LILRB4: variants seen among roughly 807,000 people sequenced by gnomAD.
LILRB4 encodes leukocyte immunoglobulin-like receptor subfamily B member 4.
LILRB4 carries 49 observed loss-of-function variants against 55.2 expected under a neutral mutation model. The observed-to-expected ratio is 0.89, with a 90% confidence interval of 0.71 to 1.13. LILRB4 has a LOEUF of 1.13. Ranked by LOEUF, LILRB4 falls within the 50% of genes most tolerant of loss-of-function variation. LILRB4 has a pLI of 0.00. For missense variants in LILRB4, 590 were observed against 555.2 expected (o/e 1.06, Z -0.63); for synonymous variants, 229 against 213.8 (o/e 1.07, Z -0.62).
At chr19:54,663,184 C>CAT (rs2065081787) in intron 1 of LILRB4, 117 bp downstream of exon 1, 80 of 1,184,280 alleles carry the variant, frequency 6.8e-5, no homozygotes, top group Non-Finnish European at 9.2e-5. Context: ...CGGTGGCTCA[C>CAT]GCCTGTAATC....
chr19:54,667,403 C>T (rs2065332197), intron 10 of LILRB4: 6 of 838,844 alleles, frequency 7.2e-6, no homozygotes, highest in East Asian at 2.7e-5. Flanking sequence ...GAGGCAGCAG[C>T]GAGCTCTTGC....
At chr19:54,663,771 A>G (rs754775742) in exon 3 of LILRB4, 1 of 1,613,832 alleles carries the variant, frequency 6.2e-7, no homozygotes, top group Non-Finnish European at 8.5e-7. Flanking sequence ...CCCCAAACCC[A>G]CCCTCTGGGC....
At position 54,666,610 on chromosome 19, in the gene LILRB4, A is replaced by G; in HGVS notation, c.989-87A>G. 5.4e-6 allele frequency: 8 copies of G among 1,482,942 alleles called. No individual in the cohort carries two copies. The highest frequency in any genetic ancestry group is 6.5e-6 in the Non-Finnish European group (7 of 1,071,420). 91.9% of individuals were successfully genotyped at this position (1,482,942 alleles called of 1,614,324 possible). ...CAGCCCCTCCCTGCGTTGCAGTGGC[A>G]CTAATGGGAACAGGGCAGGGACCAG... On this transcript the variant is annotated intron_variant, in intron 9 of 11. Coordinates refer to ENST00000430952, the Ensembl canonical transcript of LILRB4. This position sits in a 1 kb window ranked among gnomAD's most constrained non-coding sequence, Gnocchi z 4.8.
intron 10 of LILRB4, chr19:54,667,173 A>G (rs11574580): frequency 0.11 from 53,639 of 506,786 alleles, 2,122 homozygotes; most frequent in Middle Eastern, 0.24. Flanking sequence ...TCGTGGTGGG[A>G]GACAAAATGC....
exon 12 of LILRB4, chr19:54,668,072 C>A: frequency 6.2e-7 from 1 of 1,605,304 alleles, no homozygotes; most frequent in Admixed American, 1.7e-5. Context: ...CCCCAGAAGG[C>A]ATGGAAGCTG....
exon 12 of LILRB4, chr19:54,668,033 C>A: frequency 1.2e-6 from 2 of 1,613,864 alleles, no homozygotes; most frequent in South Asian, 1.1e-5. Flanking sequence ...AGGGGGGACC[C>A]AGACCCCACA....
chr19:54,667,974 C>T (rs1215252855), exon 12 of LILRB4: 1 of 1,614,076 alleles, frequency 6.2e-7, no homozygotes, highest in Non-Finnish European at 8.5e-7. Context: ...AGGAAGGGGC[C>T]TCTCCAGCTG....
Position 54,665,045 on chromosome 19 carries a change from A to T in LILRB4, c.707-85A>T. The T allele has an allele frequency of 6.5e-7, 1 of 1,544,964 alleles. No homozygotes were observed. The highest frequency in any genetic ancestry group is 8.9e-7 in the Non-Finnish European group (1 of 1,122,076). Reference sequence around the variant, plus strand: ...GGGCTGGTGAGGGGTGAGGGGGTCAAGGCTGAAGGAGATGTTGCGGGGAGA... The same window carrying T: ...GGGCTGGTGAGGGGTGAGGGGGTCATGGCTGAAGGAGATGTTGCGGGGAGA... On this transcript the variant is annotated intron_variant, in intron 5 of 11. Transcript: ENST00000430952. This position sits in a 1 kb window ranked among gnomAD's most constrained non-coding sequence, Gnocchi z 5.5.
Position 54,663,749 on chromosome 19 carries a change from T to G in LILRB4, c.71-5T>G. 6.8e-6 allele frequency: 11 copies of G among 1,613,810 alleles called. No individual in the cohort carries two copies. Among genetic ancestry groups the G allele is most frequent in the Non-Finnish European group, 9.3e-6 (11 of 1,179,882 alleles). On this transcript the variant is annotated splice_region_variant and splice_polypyrimidine_tract_variant and intron_variant, in intron 2 of 11. Transcript: ENST00000430952. ...CTTGGGATCCAGCCTCTGATTTTCT[T>G]CCAGGGCCCCTCCCCAAACCCACCC...
In LILRB4 at chr19:54,665,088, G is replaced by A. The variant is rs1019563384; in HGVS notation, c.707-42G>A. 1 of 1,607,246 alleles carries A rather than the reference G, an allele frequency of 6.2e-7. No individual in the cohort carries two copies. Among genetic ancestry groups the A allele is most frequent in the Admixed American group, 1.7e-5 (1 of 59,792 alleles). On this transcript the variant is annotated intron_variant, in intron 5 of 11. Coordinates refer to ENST00000430952, the Ensembl canonical transcript of LILRB4. This position sits in a 1 kb window ranked among gnomAD's most constrained non-coding sequence, Gnocchi z 5.5. Reference sequence around the variant, plus strand: ...CGGGGAGAAGCCGAGCTGATGTGGGGAGCAGGGCAGCCCCAGCCCTCACAT... The same window carrying A: ...CGGGGAGAAGCCGAGCTGATGTGGGAAGCAGGGCAGCCCCAGCCCTCACAT...
chr19:54,668,084 C>T, exon 12 of LILRB4: 1 of 1,588,464 alleles, frequency 6.3e-7, no homozygotes, highest in Non-Finnish European at 8.6e-7. Context: ...TGGAAGCTGC[C>T]TCCAGTAGAC....
exon 3 of LILRB4, chr19:54,663,912 C>G (rs774884708): frequency 6.2e-7 from 1 of 1,614,130 alleles, no homozygotes; most frequent in South Asian, 1.1e-5. Flanking sequence ...CCCACTGGAG[C>G]CCAAGAACAA....
intron 1 of LILRB4, among the ~76,000 whole-genome samples, 161 bp from the exon 2 acceptor site, chr19:54,663,371 G>C (rs1470072649): frequency 6.8e-6 from 1 of 146,992 alleles, no homozygotes; most frequent in African/African-American, 2.5e-5. Flanking sequence ...GCGTGAACCC[G>C]GGAGGCGGAG....
rs1316612426 is a variant in LILRB4, at chr19:54,663,242, C to G, written c.34+175C>G. Among the ~76,000 whole-genome samples the G allele has an allele frequency of 7.2e-5, 11 of 151,902 alleles. No homozygotes were observed. In the East Asian group the frequency reaches 7.8e-4, roughly 11 times the overall value. On this transcript the variant is annotated intron_variant, in intron 1 of 11. Transcript: ENST00000430952. ...CGGGCGGATCACGAGGTCAGGAGAT[C>G]GAGACCATCCTGGCTAACACGGTGA...
At position 54,665,254 on chromosome 19, in the gene LILRB4, G is replaced by T. The variant is rs11574572; in HGVS notation, c.757+74G>T. ...AGGGTGGGTTCTGTCCTAGGTTAAG[G>T]CTCCTCTGGAGGTGGTGATGTGGAC... is the stretch of plus-strand genomic sequence containing the variant. On this transcript the variant is annotated intron_variant, in intron 6 of 11. Transcript: ENST00000430952. This position sits in a 1 kb window ranked among gnomAD's most constrained non-coding sequence, Gnocchi z 5.5. The T allele has an allele frequency of 2.0e-6, 3 of 1,476,898 alleles. No homozygotes were observed. The highest frequency in any genetic ancestry group is 2.8e-5 in the African/African-American group (2 of 71,664). The allele number at this position is 1,476,898 out of a possible 1,614,324, so 91.5% of individuals were successfully genotyped here. A position where few individuals can be genotyped will look rare whatever the true frequency, so the allele number is the denominator to read the frequency against.
exon 4 of LILRB4, chr19:54,664,452 C>T (rs1366502597): frequency 5.6e-6 from 9 of 1,611,366 alleles, no homozygotes; most frequent in Middle Eastern, 1.7e-4. Flanking sequence ...CCTGCTGTCA[C>T]ACCCCAGTGA....
chr19:54,663,193 T>C (rs534195835), intron 1 of LILRB4, 126 bp downstream of exon 1: 20 of 1,112,030 alleles, frequency 1.8e-5, no homozygotes, highest in African/African-American at 7.9e-5. Context: ...ACGCCTGTAA[T>C]CCCAGCACTT....
exon 11 of LILRB4, chr19:54,667,763 G>T (rs1211205663): frequency 1.9e-6 from 3 of 1,611,516 alleles, no homozygotes; most frequent in Non-Finnish European, 2.5e-6. Context: ...AGGACAGACA[G>T]GCAGAAGAGG....
In LILRB4 at chr19:54,667,425, G is replaced by A. The variant is rs59667286; in HGVS notation, c.1042-213G>A. ...CAGCGAGCTCTTGCAGGAAGGCCGC[G>A]TGAGGCTGCAGCCAAATGGGCAAGG... is the stretch of plus-strand genomic sequence containing the variant. On this transcript the variant is annotated intron_variant, in intron 10 of 11. Coordinates refer to ENST00000430952, the Ensembl canonical transcript of LILRB4. 2.9e-3 allele frequency: 3,155 copies of A among 1,072,950 alleles called. 48 individuals are homozygous for A. In the African/African-American group the frequency reaches 0.031, roughly 11 times the overall value. 66.5% of individuals were successfully genotyped at this position (1,072,950 alleles called of 1,614,324 possible). A position where few individuals can be genotyped will look rare whatever the true frequency, so the allele number is the denominator to read the frequency against.
Sources: allele counts gnomAD v4.1 joint callset (sites outside exome capture counted in the v4.1 genomes callset), GRCh38; gene constraint gnomAD v4.1.1; non-coding constraint Gnocchi (gnomAD v3.1); transcripts MANE v1.5; gene names NCBI Gene and HGNC (gene_info 2026-07-23, HGNC 2026-07-21).